The following ACSL5 variants were observed in gnomAD, a reference collection of about 807,000 sequenced individuals.
ACSL5 encodes long-chain-fatty-acid--CoA ligase 5.
Under a neutral mutation model 84.9 loss-of-function variants are expected in ACSL5, and 50 were observed. That is an observed-to-expected ratio of 0.59 (90% CI 0.47 to 0.75). ACSL5 has a LOEUF of 0.75. Among genes scored for constraint, ACSL5 ranks in the 30% least tolerant of loss-of-function variants. The pLI is 0.00. For synonymous variants in ACSL5, 280 were observed against 300.7 expected (o/e 0.93, Z 0.71); for missense variants, 775 against 830.4 (o/e 0.93, Z 0.82).
At chr10:112,387,936 C>CAT (rs372049873) in intron 1 of ACSL5, among the ~76,000 whole-genome samples, 2 of 118,448 alleles carry the variant, frequency 1.7e-5, no homozygotes, top group African/African-American at 6.4e-5. Flanking sequence ...TTATTTGTTC[C>CAT]TTTTTTTTTT....
chr10:112,426,019 G>A (rs779547439), intron 18 of ACSL5, among the ~76,000 whole-genome samples: 43 of 152,168 alleles, frequency 2.8e-4, no homozygotes, highest in Non-Finnish European at 3.8e-4. Flanking sequence ...GGCGCTTTAA[G>A]CTTAATGTTG....
chr10:112,410,392 A>G (rs1339775962), intron 7 of ACSL5, 71 bp from the exon 8 acceptor site: 2 of 1,609,454 alleles, frequency 1.2e-6, no homozygotes, highest in Non-Finnish European at 1.7e-6. Context: ...AAAGGGAGGG[A>G]GAGGGCCACA....
At chr10:112,420,880 C>G (rs1269839895) in intron 14 of ACSL5, among the ~76,000 whole-genome samples, 2 of 152,056 alleles carry the variant, frequency 1.3e-5, no homozygotes, top group African/African-American at 4.8e-5. Flanking sequence ...TGCCACCAGG[C>G]CCGGCTAATT....
chr10:112,423,861 C>G (rs1450212313), intron 17 of ACSL5, among the ~76,000 whole-genome samples: 6 of 152,176 alleles, frequency 3.9e-5, no homozygotes, highest in Non-Finnish European at 8.8e-5. Flanking sequence ...TGTGGCAGCT[C>G]ACGCCTATAA....
At chr10:112,419,364 C>T (rs1001332427) in intron 14 of ACSL5, 1 of 152,132 alleles carries the variant, frequency 6.6e-6, no homozygotes, top group Non-Finnish European at 1.5e-5. Context: ...TATTCTATTA[C>T]TTCCTTATAG....
intron 14 of ACSL5, among the ~76,000 whole-genome samples, chr10:112,420,264 A>C (rs1261562838): frequency 1.3e-5 from 2 of 152,116 alleles, no homozygotes; most frequent in African/African-American, 4.8e-5. Flanking sequence ...CCATTGCAGC[A>C]GCCCTTGAAC....
intron 13 of ACSL5, among the ~76,000 whole-genome samples, 179 bp downstream of exon 13, chr10:112,417,201 TAA>T (rs377732977): frequency 5.0e-5 from 6 of 120,064 alleles, no homozygotes; most frequent in Non-Finnish European, 3.3e-5. Context: ...GGAGTAGGTT[TAA>T]AAAAAAAAAA....
chr10:112,392,479 C>T (rs987989825), intron 1 of ACSL5, among the ~76,000 whole-genome samples: 2 of 151,990 alleles, frequency 1.3e-5, no homozygotes, highest in African/African-American at 4.8e-5. Flanking sequence ...CGGTGGCTCA[C>T]ACCTGTAATC....
intron 3 of ACSL5, among the ~76,000 whole-genome samples, chr10:112,399,511 C>T (rs1472558092): frequency 6.6e-6 from 1 of 152,174 alleles, no homozygotes; most frequent in Admixed American, 6.5e-5. Context: ...AAAGTTAGCA[C>T]TTCTTTGGAC....
intron 12 of ACSL5, among the ~76,000 whole-genome samples, chr10:112,415,298 C>G (rs949352257): frequency 6.6e-6 from 1 of 152,156 alleles, no homozygotes; most frequent in African/African-American, 2.4e-5. Context: ...CTCCCGGGTT[C>G]GTGCCATTCT....
intron 1 of ACSL5, among the ~76,000 whole-genome samples, chr10:112,389,266 G>A (rs1204232350): frequency 6.6e-6 from 1 of 152,138 alleles, no homozygotes; most frequent in African/African-American, 2.4e-5. Flanking sequence ...GCTAACTTGG[G>A]AATAAAACAT....
chr10:112,406,115 G>A (rs1180492653), intron 5 of ACSL5: 2 of 151,928 alleles, frequency 1.3e-5, no homozygotes, highest in Non-Finnish European at 2.9e-5. Flanking sequence ...ATGTGTTCAA[G>A]GAGCAACTGT....
intron 13 of ACSL5, 124 bp from the exon 14 acceptor site, chr10:112,417,722 G>A (rs910413437): frequency 2.8e-5 from 21 of 758,322 alleles, no homozygotes; most frequent in Admixed American, 1.0e-4. Context: ...GTAAATTAAC[G>A]TGAGAATTGA....
intron 1 of ACSL5, among the ~76,000 whole-genome samples, chr10:112,377,709 AAG>A (rs1354621632): frequency 6.6e-6 from 1 of 152,204 alleles, no homozygotes; most frequent in Non-Finnish European, 1.5e-5. Flanking sequence ...CATGTCTTGA[AAG>A]AGGCATGGTG....
intron 17 of ACSL5, chr10:112,424,792 C>A (rs1303792318): frequency 6.6e-6 from 1 of 152,208 alleles, no homozygotes; most frequent in Non-Finnish European, 1.5e-5. Context: ...CTGCAAATGA[C>A]CTTTGGTGGC....
chr10:112,413,407 C>T, intron 12 of ACSL5, 100 bp downstream of exon 12: 1 of 1,388,826 alleles, frequency 7.2e-7, no homozygotes. Flanking sequence ...CCACCCTCTA[C>T]AAGTATCTAC....
chr10:112,416,707 C>T (rs1278225182), intron 12 of ACSL5, among the ~76,000 whole-genome samples, 181 bp from the exon 13 acceptor site: 2 of 152,076 alleles, frequency 1.3e-5, no homozygotes, highest in Non-Finnish European at 2.9e-5. Flanking sequence ...GCATTAAGTT[C>T]ACTTCTTTCT....
chr10:112,425,875 G>A (rs1308832809), intron 18 of ACSL5, among the ~76,000 whole-genome samples: 1 of 152,044 alleles, frequency 6.6e-6, no homozygotes, highest in Non-Finnish European at 1.5e-5. Context: ...TCAACAAACT[G>A]TTGTTTTATA....
intron 3 of ACSL5, among the ~76,000 whole-genome samples, chr10:112,401,129 T>C (rs183760050): frequency 2.9e-3 from 441 of 152,108 alleles, no homozygotes; most frequent in African/African-American, 0.01. Flanking sequence ...GGCAGGAGAA[T>C]CGCTTGAACC....
Sources: allele counts gnomAD v4.1 joint callset (sites outside exome capture counted in the v4.1 genomes callset), GRCh38; gene constraint gnomAD v4.1.1; transcripts MANE v1.5; gene names NCBI Gene and HGNC (gene_info 2026-07-23, HGNC 2026-07-21).